The following DCPS variants were observed in gnomAD, a reference collection of about 807,000 sequenced individuals.
The protein encoded by DCPS is m7GpppX diphosphatase.
A neutral mutation model predicts 34.7 loss-of-function variants in DCPS; 27 were observed. The observed-to-expected ratio is 0.78, with a 90% CI of 0.57 to 1.07. The LOEUF is 1.07. Among genes scored for constraint, DCPS ranks in the 50% least tolerant of loss-of-function variants. The pLI is 0.00. For missense variants in DCPS, 464 were observed against 436.9 expected, an observed-to-expected ratio of 1.06 and a Z score of -0.55; for synonymous variants, 185 against 185.7, an observed-to-expected ratio of 1.00 and a Z score of 0.03.
At chr11:126,343,747 C>T (rs936276186) in intron 5 of DCPS, among the ~76,000 whole-genome samples, 1 of 152,192 alleles carries the variant, frequency 6.6e-6, no homozygotes, top group Non-Finnish European at 1.5e-5. Context: ...ACCATGACAA[C>T]CACATCATGC....
intron 2 of DCPS, among the ~76,000 whole-genome samples, chr11:126,318,325 C>A (rs1951678651): frequency 6.6e-6 from 1 of 152,164 alleles, no homozygotes; most frequent in Non-Finnish European, 1.5e-5. Flanking sequence ...TGAGCACTTT[C>A]AGTATTTCTG....
Position 126,304,070 on chromosome 11 carries a change from T to G in DCPS, c.-11T>G, listed in dbSNP as rs1565369240. The stretch of plus-strand genomic sequence containing the variant: ...GCAGGGGGCGCAGGCGCACACCGCC[T>G]CCGCGGCAGCATGGCGGACGCAGCT... On this transcript the variant is annotated 5_prime_UTR_variant, in exon 1 of 6. Transcript: ENST00000263579. The G allele has an allele frequency of 2.5e-6, 4 of 1,583,108 alleles. No individual in the cohort carries two copies. In the African/African-American group the frequency reaches 4.0e-5, roughly 16 times the overall value.
At chr11:126,330,719 A>ATTTTTTT (rs1167717646) in intron 2 of DCPS, among the ~76,000 whole-genome samples, 4 of 18,884 alleles carry the variant, frequency 2.1e-4, no homozygotes, top group Non-Finnish European at 2.6e-4. Context: ...ATATATATAT[A>ATTTTTTT]TTTTTTTTTT....
chr11:126,346,920 C>T lies in DCPS; in HGVS notation c.*1307C>T, dbSNP rs1169294903. 6.6e-6 allele frequency among the ~76,000 whole-genome samples: 1 copy of T among 152,006 alleles called. No homozygotes were observed. The highest frequency in any genetic ancestry group is 1.5e-5 in the Non-Finnish European group (1 of 67,998). ...GAATCACGAACATGGTGAAACCCAT[C>T]TCTACTAAAAAACAGAAAAATTAGC... is the stretch of plus-strand genomic sequence containing the variant. On this transcript the variant is annotated 3_prime_UTR_variant, in exon 6 of 6. Transcript: ENST00000263579. The surrounding 1 kb of genome is among the most constrained non-coding windows in gnomAD (Gnocchi z 4.1).
chr11:126,330,612 G>A (rs995357783), intron 2 of DCPS, among the ~76,000 whole-genome samples: 1 of 146,606 alleles, frequency 6.8e-6, no homozygotes, highest in African/African-American at 2.5e-5. Flanking sequence ...AACTCAGTCT[G>A]GCTGCAGAGT....
In DCPS at chr11:126,333,469, G is replaced by A. The variant is rs1438733307; in HGVS notation, c.522+1919G>A. Among the ~76,000 whole-genome samples the A allele has an allele frequency of 2.0e-5, 3 of 152,222 alleles. No homozygotes were observed. Among genetic ancestry groups the A allele is most frequent in the Non-Finnish European group, 4.4e-5 (3 of 68,044 alleles). Reference sequence around the variant, plus strand: ...CACTCTGATGCCTAGACGAACTACCGTGGTGATGCAGAGGGACAGTGACCA... The same window carrying A: ...CACTCTGATGCCTAGACGAACTACCATGGTGATGCAGAGGGACAGTGACCA... On this transcript the variant is annotated intron_variant, in intron 3 of 5. Coordinates refer to ENST00000263579, the MANE Select transcript of DCPS (RefSeq NM_014026.6). This position sits in a 1 kb window ranked among gnomAD's most constrained non-coding sequence, Gnocchi z 5.7.
rs1313029878 is a variant in DCPS, at chr11:126,313,585, G to C, written c.376+6841G>C. ...AAAAGCATGACACAGAATACACATG[G>C]TGCGATTAAAATGGTACAAAGTTGA... On this transcript the variant is annotated intron_variant, in intron 2 of 5. Coordinates refer to ENST00000263579, the MANE Select transcript of DCPS (RefSeq NM_014026.6). This position sits in a 1 kb window ranked among gnomAD's most constrained non-coding sequence, Gnocchi z 4.9. Among the ~76,000 whole-genome samples the C allele has an allele frequency of 6.6e-6, 1 of 152,096 alleles. No individual in the cohort carries two copies. The highest frequency in any genetic ancestry group is 2.4e-5 in the African/African-American group (1 of 41,402).
In DCPS at chr11:126,325,279, AT is replaced by A. The variant is rs1262620319; in HGVS notation, c.377-6125del. 1.8e-4 allele frequency among the ~76,000 whole-genome samples: 27 copies of A among 152,228 alleles called. No homozygotes were observed. Among genetic ancestry groups the A allele is most frequent in the African/African-American group, 6.3e-4 (26 of 41,458 alleles). ...AGAGAAGAAAATAATCACAGTAACT[AT>A]GGCAGTGAACAGCATTTACATCATC... On this transcript the variant is annotated intron_variant, in intron 2 of 5. Transcript: ENST00000263579. This position sits in a 1 kb window ranked among gnomAD's most constrained non-coding sequence, Gnocchi z 4.3.
rs371904995 is a variant in DCPS at position 126,304,088 on chromosome 11, A to C, written c.8A>C (p.Asp3Ala). The C allele has an allele frequency of 7.5e-6, 12 of 1,599,856 alleles. No individual in the cohort carries two copies. The highest frequency in any genetic ancestry group is 1.0e-5 in the Non-Finnish European group (12 of 1,173,604). MA[D>A]AAPQLGKRKR... ...CACCGCCTCCGCGGCAGCATGGCGG[A>C]CGCAGCTCCTCAACTAGGCAAGAGG... is the stretch of plus-strand genomic sequence containing the variant. Residue 3 changes from aspartate (D) to alanine (A), a missense_variant, in exon 1 of 6, where the codon GAC becomes GCC. Transcript: ENST00000263579.
At chr11:126,343,164 G>A (rs890461916) in intron 4 of DCPS, 143 bp from the exon 5 acceptor site, 6 of 658,626 alleles carry the variant, frequency 9.1e-6, no homozygotes, top group African/African-American at 8.9e-5. Context: ...CACGCCCGGG[G>A]TATGCAGATG....
chr11:126,326,064 G>A (rs1951736676), intron 2 of DCPS, among the ~76,000 whole-genome samples: 1 of 152,210 alleles, frequency 6.6e-6, no homozygotes. Context: ...GTTGCAGTGA[G>A]CCAAGATTGC....
Position 126,338,435 on chromosome 11 carries a change from C to A in DCPS, c.636+36C>A. ...CTGGCTGGAATGTCCTGATCTCTGG[C>A]CACCCTGCTGTAAGTGCTGGTCCTT... On this transcript the variant is annotated intron_variant, in intron 4 of 5. Transcript: ENST00000263579. This position sits in a 1 kb window ranked among gnomAD's most constrained non-coding sequence, Gnocchi z 5.4. 6.3e-7 allele frequency: 1 copy of A among 1,584,512 alleles called. No individual in the cohort carries two copies. The highest frequency in any genetic ancestry group is 8.7e-7 in the Non-Finnish European group (1 of 1,153,276).
intron 2 of DCPS, among the ~76,000 whole-genome samples, chr11:126,317,214 C>T (rs371737150): frequency 1.7e-4 from 26 of 151,446 alleles, no homozygotes; most frequent in African/African-American, 6.4e-4. Context: ...CCTCCTCGGC[C>T]TCCCAAAGTG....
Position 126,337,560 on chromosome 11 carries a change from C to T in DCPS, c.523-726C>T, listed in dbSNP as rs1281084932. 1 of 152,144 alleles carries T rather than the reference C, an allele frequency of 6.6e-6. No individual in the cohort carries two copies. Among genetic ancestry groups the T allele is most frequent in the Non-Finnish European group, 1.5e-5 (1 of 68,200 alleles). 9.4% of individuals were successfully genotyped at this position (152,144 alleles called of 1,614,324 possible). A position where few individuals can be genotyped will look rare whatever the true frequency, so the allele number is the denominator to read the frequency against. On this transcript the variant is annotated intron_variant, in intron 3 of 5. Transcript: ENST00000263579. The surrounding 1 kb of genome is among the most constrained non-coding windows in gnomAD (Gnocchi z 5.3). ...TTGACAGCAGCTGATCCAAGGGTGA[C>T]ACAAGGGCTGGGAGCCCTGGGTAGC...
At chr11:126,324,850 G>C (rs1297956161) in intron 2 of DCPS, among the ~76,000 whole-genome samples, 1 of 151,968 alleles carries the variant, frequency 6.6e-6, no homozygotes, top group African/African-American at 2.4e-5. Context: ...TTAGTGACAT[G>C]TTTATAGAAA....
In DCPS at chr11:126,338,873, C is replaced by T. The variant is rs1951855394; in HGVS notation, c.636+474C>T. 6.6e-6 allele frequency among the ~76,000 whole-genome samples: 1 copy of T among 152,200 alleles called. No homozygotes were observed. The highest frequency in any genetic ancestry group is 2.1e-4 in the South Asian group (1 of 4,832). On this transcript the variant is annotated intron_variant, in intron 4 of 5. Transcript: ENST00000263579. This position sits in a 1 kb window ranked among gnomAD's most constrained non-coding sequence, Gnocchi z 5.4. ...AGCCCGAGCTGTGGAGTAGCTTAGC[C>T]CAGACTTCTACTCAGGCCCCTTGGC...
chr11:126,312,979 C>T lies in DCPS; in HGVS notation c.376+6235C>T, dbSNP rs1951629934. Among the ~76,000 whole-genome samples, 2 of 152,158 alleles carry T rather than the reference C, an allele frequency of 1.3e-5. No homozygotes were observed. Among genetic ancestry groups the T allele is most frequent in the South Asian group, 4.1e-4 (2 of 4,828 alleles). ...GCTTCCTCTGACCCTCCAGGCTGGG[C>T]AGGGCCTGCATCTCCTTTCTGCCAT... On this transcript the variant is annotated intron_variant, in intron 2 of 5. Transcript: ENST00000263579. This position sits in a 1 kb window ranked among gnomAD's most constrained non-coding sequence, Gnocchi z 5.1.
chr11:126,345,612 G>C lies in DCPS; in HGVS notation c.1013G>C (p.Ter338SerextTer25), dbSNP rs139354381. The C allele has an allele frequency of 1.2e-6, 2 of 1,611,882 alleles. No individual in the cohort carries two copies. The highest frequency in any genetic ancestry group is 1.7e-6 in the Non-Finnish European group (2 of 1,179,416). ...CTCTTGCAGGAGGCTCAGCAAAGCT[G>C]AATTAACTCAGGCAGAAGAGCACAG... ...LKLLQEAQQS[*>S] Residue 338 changes from the stop codon to serine, a stop_lost, in exon 6 of 6, where the codon TGA becomes TCA. Transcript: ENST00000263579. The surrounding 1 kb of genome is among the most constrained non-coding windows in gnomAD (Gnocchi z 7.4).
Position 126,328,235 on chromosome 11 carries a change from G to A in DCPS, c.377-3170G>A, listed in dbSNP as rs922745889. On this transcript the variant is annotated intron_variant, in intron 2 of 5. Coordinates refer to ENST00000263579, the MANE Select transcript of DCPS (RefSeq NM_014026.6). The surrounding 1 kb of genome is among the most constrained non-coding windows in gnomAD (Gnocchi z 6.6). ...CCAGGGCGAGGTGACCAACAGCCTC[G>A]TAGTCCACGGCAGGAAGCGCGGGAG... Among the ~76,000 whole-genome samples, 1 of 152,312 alleles carries A rather than the reference G, an allele frequency of 6.6e-6. No individual in the cohort carries two copies. The highest frequency in any genetic ancestry group is 1.5e-5 in the Non-Finnish European group (1 of 68,024).
Sources: gnomAD v4.1 joint callset for allele counts (sites outside exome capture counted in the v4.1 genomes callset) on GRCh38, gnomAD v4.1.1 for gene constraint, Gnocchi (gnomAD v3.1) non-coding constraint, MANE v1.5 for transcripts, NCBI Gene and HGNC (gene_info 2026-07-23, HGNC 2026-07-21) for gene names.